Variants in CLEC17A observed in about 807,000 individuals in gnomAD.
CLEC17A encodes the protein C-type lectin domain containing 17A.
CLEC17A carries 37 observed loss-of-function variants against 61.3 expected under a neutral mutation model. That is an observed-to-expected ratio of 0.60 (90% CI 0.46 to 0.79). The LOEUF is 0.79. Ranked by LOEUF, CLEC17A falls within the 30% of genes least tolerant of loss-of-function variation. The pLI is 0.00. For missense variants in CLEC17A, 418 were observed against 464.7 expected (o/e 0.90, Z 0.92); for synonymous variants, 168 against 164.9 (o/e 1.02, Z -0.14).
rs1053450199 is a variant in CLEC17A at position 14,611,643 on chromosome 19, G to A, written c.*1447G>A. ...CCTGGTCATATCCACACAGGACAAC[G>A]ATGGACCTATCTGCCAGCACGTGCC... On this transcript the variant is annotated 3_prime_UTR_variant, in exon 14 of 14. Coordinates refer to ENST00000417570, the MANE Select transcript of CLEC17A (RefSeq NM_001204118.2). 1.3e-5 allele frequency among the ~76,000 whole-genome samples: 2 copies of A among 152,060 alleles called. No homozygotes were observed. Among genetic ancestry groups the A allele is most frequent in the African/African-American group, 4.8e-5 (2 of 41,424 alleles).
upstream of CLEC17A, among the ~76,000 whole-genome samples, chr19:14,582,236 G>A (rs775655516): frequency 1.4e-5 from 2 of 143,384 alleles, no homozygotes; most frequent in African/African-American, 2.7e-5. Flanking sequence ...TTTTTGAGAC[G>A]GAGTCTCGCT....
chr19:14,594,593 C>T (rs2074498796), intron 5 of CLEC17A, 39 bp from the exon 6 acceptor site: 2 of 1,613,472 alleles, frequency 1.2e-6, no homozygotes, highest in Non-Finnish European at 1.7e-6. Flanking sequence ...GCTGGCTTTG[C>T]CCTGCTCTGG....
chr19:14,598,594 C>T (rs1022033170), intron 10 of CLEC17A, among the ~76,000 whole-genome samples: 3 of 152,036 alleles, frequency 2.0e-5, no homozygotes, highest in Non-Finnish European at 4.4e-5. Context: ...CTGCCTCAGC[C>T]TCCTGAATAG....
At position 14,610,147 on chromosome 19, in the gene CLEC17A, C is replaced by T. The variant is rs766374913; in HGVS notation, c.1088C>T (p.Ser363Phe). Residue 363 changes from serine to phenylalanine, a missense_variant, in exon 14 of 14, where the codon TCT becomes TTT. By Grantham distance (155) the Ser-to-Phe change is radical (BLOSUM62 -2). Coordinates refer to ENST00000417570, the MANE Select transcript of CLEC17A (RefSeq NM_001204118.2). Reference sequence around the variant, plus strand: ...AAAGGTGGCACCTGGAATGATCTCTCTTGCTACAAAACTACGTATTGGATT... The same window carrying T: ...AAAGGTGGCACCTGGAATGATCTCTTTTGCTACAAAACTACGTATTGGATT... Reference protein sequence around the residue: ...MNKGGTWNDLSCYKTTYWICE... With the variant: ...MNKGGTWNDLFCYKTTYWICE... 3 of 1,601,630 alleles carry T rather than the reference C, an allele frequency of 1.9e-6. No homozygotes were observed. Among genetic ancestry groups the T allele is most frequent in the Non-Finnish European group, 2.6e-6 (3 of 1,173,972 alleles).
chr19:14,587,078 G>A (rs71334713), intron 2 of CLEC17A, among the ~76,000 whole-genome samples: 71 of 151,234 alleles, frequency 4.7e-4, no homozygotes, highest in Non-Finnish European at 7.7e-4. Context: ...TGGTAGAGAC[G>A]GGGTTTCACC....
intron 10 of CLEC17A, among the ~76,000 whole-genome samples, chr19:14,598,304 TTCTCTCTC>T (rs111468753): frequency 1.3e-5 from 2 of 149,114 alleles, no homozygotes; most frequent in South Asian, 2.1e-4. Context: ...TGTTCTTTCT[TTCTCTCTC>T]TCTCTCTCTC....
chr19:14,596,795 C>G (rs954663904), intron 8 of CLEC17A, 81 bp from the exon 9 acceptor site: 3 of 1,502,038 alleles, frequency 2.0e-6, no homozygotes, highest in African/African-American at 2.8e-5. Context: ...GCCCCCTGCT[C>G]TTGGACAAAG....
rs530769417 is a variant in CLEC17A at position 14,609,919 on chromosome 19, G to T, written c.1005-145G>T. On this transcript the variant is annotated intron_variant, in intron 13 of 13. Transcript: ENST00000417570. ...CAGGCACGGTGGCTCACTGTGCCCG[G>T]CTTACAGGTGTAAGGCTCCACACAC... The T allele has an allele frequency of 9.7e-6, 6 of 620,626 alleles. No homozygotes were observed. The East Asian group carries it at 1.7e-4, about 18-fold the overall frequency. The allele number at this position is 620,626 out of a possible 1,614,324, so 38.4% of individuals were successfully genotyped here.
At chr19:14,587,337 A>G (rs966846768) in intron 2 of CLEC17A, among the ~76,000 whole-genome samples, 7 of 152,014 alleles carry the variant, frequency 4.6e-5, no homozygotes, top group African/African-American at 1.7e-4. Context: ...GGAAAGGGAA[A>G]CAGACAGATG....
At chr19:14,609,180 A>G (rs2074985329) in intron 13 of CLEC17A, among the ~76,000 whole-genome samples, 1 of 152,140 alleles carries the variant, frequency 6.6e-6, no homozygotes. Flanking sequence ...CTCACCTAAG[A>G]CACTACCCAA....
chr19:14,587,370 G>A (rs2074310894), intron 2 of CLEC17A, among the ~76,000 whole-genome samples: 1 of 152,154 alleles, frequency 6.6e-6, no homozygotes, highest in South Asian at 2.1e-4. Flanking sequence ...GAGTAGGAGA[G>A]ACAAGACCTG....
At chr19:14,587,785 C>T in intron 3 of CLEC17A, 94 bp downstream of exon 3, 1 of 1,569,902 alleles carries the variant, frequency 6.4e-7, no homozygotes, top group Non-Finnish European at 8.6e-7. Context: ...CAGTCAGTCT[C>T]CTCTCTACAC....
At chr19:14,591,853 C>T (rs1361561358) in intron 3 of CLEC17A, among the ~76,000 whole-genome samples, 6 of 151,502 alleles carry the variant, frequency 4.0e-5, no homozygotes, top group East Asian at 1.9e-4. Flanking sequence ...CCACCACTCC[C>T]GGCCCATTGT....
chr19:14,610,093 T>C lies in CLEC17A; in HGVS notation c.1034T>C (p.Ile345Thr), dbSNP rs762401802. 1 of 1,613,306 alleles carries C rather than the reference T, an allele frequency of 6.2e-7. No homozygotes were observed. Among genetic ancestry groups the C allele is most frequent in the South Asian group, 1.1e-5 (1 of 90,806 alleles). The change falls in exon 14 of 14, where the codon ATC becomes ACC. Residue 345 changes from isoleucine to threonine, a missense_variant. Coordinates refer to ENST00000417570, the MANE Select transcript of CLEC17A (RefSeq NM_001204118.2). ...SFWEPEEPNN[I>T]HDEDCATMNK... is the part of the protein sequence containing the mutation. ...TGGGAGCCAGAGGAACCCAATAACA[T>C]CCACGATGAGGACTGTGCTACCATG...
At chr19:14,609,214 C>T (rs11085899) in intron 13 of CLEC17A, among the ~76,000 whole-genome samples, 31,582 of 152,058 alleles carry the variant, frequency 0.21, 4,209 homozygotes, top group East Asian at 0.42. Context: ...AGCTCACAAC[C>T]GGTGACAGCC....
chr19:14,602,618 A>C (rs1173566661), intron 12 of CLEC17A, among the ~76,000 whole-genome samples: 1 of 152,132 alleles, frequency 6.6e-6, no homozygotes, highest in East Asian at 1.9e-4. Flanking sequence ...GACCGTTTAC[A>C]TTTAATATAA....
intron 10 of CLEC17A, 128 bp from the exon 11 acceptor site, chr19:14,599,589 G>C (rs2074651165): frequency 1.4e-6 from 1 of 738,640 alleles, no homozygotes. Context: ...GCGCAAGCGT[G>C]ACCCACTGGA....
chr19:14,608,380 C>T (rs182909990), intron 13 of CLEC17A, among the ~76,000 whole-genome samples: 82 of 152,228 alleles, frequency 5.4e-4, no homozygotes, highest in African/African-American at 1.9e-3. Flanking sequence ...ACACCACCCC[C>T]AGTCATTCCC....
At position 14,610,123 on chromosome 19, in the gene CLEC17A, A is replaced by T; in HGVS notation, c.1064A>T (p.Lys355Ile). ...GATGAGGACTGTGCTACCATGAACA[A>T]AGGTGGCACCTGGAATGATCTCTCT... ...IHDEDCATMNKGGTWNDLSCY... is the reference protein window; with the variant it reads ...IHDEDCATMNIGGTWNDLSCY... The change falls in exon 14 of 14, where the codon AAA (lysine) becomes ATA (isoleucine). Residue 355 changes from lysine to isoleucine, a missense_variant. Physicochemically the swap from Lys to Ile is moderately radical, Grantham distance 102. Coordinates refer to ENST00000417570, the MANE Select transcript of CLEC17A (RefSeq NM_001204118.2). 1.9e-6 allele frequency: 3 copies of T among 1,611,370 alleles called. No homozygotes were observed. Among genetic ancestry groups the T allele is most frequent in the Non-Finnish European group, 2.5e-6 (3 of 1,178,712 alleles).
Sources: allele counts gnomAD v4.1 joint callset (sites outside exome capture counted in the v4.1 genomes callset), GRCh38; gene constraint gnomAD v4.1.1; transcripts MANE v1.5; gene names NCBI Gene and HGNC (gene_info 2026-07-23, HGNC 2026-07-21).